RAB38: variants seen among roughly 807,000 people sequenced by gnomAD.
RAB38 encodes RAB38, member RAS oncogene family, also known as ras-related protein Rab-38.
A neutral mutation model predicts 18.4 loss-of-function variants in RAB38; 15 were observed. The ratio of observed to expected loss-of-function variants is 0.82; its 90% CI spans 0.55 to 1.26. The LOEUF (loss-of-function observed/expected upper bound fraction) is 1.26, where lower values mean the gene tolerates loss of function less well. Ranked by LOEUF, RAB38 falls within the 50% of genes most tolerant of loss-of-function variation. The pLI, the probability that RAB38 is intolerant of heterozygous loss-of-function variation, is 0.00. For missense variants in RAB38, 294 were observed against 267.4 expected (o/e 1.10, Z -0.69); for synonymous variants, 101 against 104.4 (o/e 0.97, Z 0.20).
chr11:87,852,470 G>C, the RAB38 span, among the ~76,000 whole-genome samples: 1 of 151,740 alleles, frequency 6.6e-6, no homozygotes, highest in South Asian at 2.1e-4. Flanking sequence ...AAAATATTGT[G>C]AGCAAAATAT....
At chr11:88,164,256 C>CGGCGGGGGGGGGGGGGGGGGGG (rs1318397492) in intron 1 of RAB38, among the ~76,000 whole-genome samples, 1 of 109,058 alleles carries the variant, frequency 9.2e-6, no homozygotes, top group African/African-American at 3.4e-5. Flanking sequence ...AAGGTGCTCT[C>CGGCGGGGGGGGGGGGGGGGGGG]GGTGGGGGGG....
chr11:87,895,040 T>A, the RAB38 span, among the ~76,000 whole-genome samples: 5 of 151,540 alleles, frequency 3.3e-5, no homozygotes, highest in African/African-American at 1.2e-4. Flanking sequence ...CTGGTCCCAT[T>A]TTGTAGGGTT....
chr11:88,127,132 T>C (rs1175162378), intron 2 of RAB38, among the ~76,000 whole-genome samples: 6 of 152,218 alleles, frequency 3.9e-5, no homozygotes, highest in Non-Finnish European at 2.9e-5. Context: ...TTCTTAATCA[T>C]AGGATTTCTC....
intron 2 of RAB38, among the ~76,000 whole-genome samples, chr11:88,114,692 ATG>A (rs947991459): frequency 6.6e-6 from 1 of 152,204 alleles, no homozygotes; most frequent in African/African-American, 2.4e-5. Context: ...GTGAGAAGTA[ATG>A]TGTGTCACTT....
chr11:88,031,121 C>A, the RAB38 span, among the ~76,000 whole-genome samples: 2 of 151,774 alleles, frequency 1.3e-5, no homozygotes, highest in African/African-American at 4.8e-5. Context: ...GAACCAAAGA[C>A]AAAAACCACA....
chr11:87,955,110 C>A, the RAB38 span, among the ~76,000 whole-genome samples: 5 of 152,186 alleles, frequency 3.3e-5, no homozygotes, highest in African/African-American at 1.2e-4. Context: ...TGTTCACTGG[C>A]CCATGGGTGC....
chr11:87,938,619 GT>G, the RAB38 span, among the ~76,000 whole-genome samples: 168 of 99,836 alleles, frequency 1.7e-3, 2 homozygotes, highest in Admixed American at 2.3e-3. Flanking sequence ...GCTCTTTTCC[GT>G]TTTTTTTTTT....
the RAB38 span, among the ~76,000 whole-genome samples, chr11:88,029,627 C>T: frequency 6.6e-6 from 1 of 152,050 alleles, no homozygotes; most frequent in African/African-American, 2.4e-5. Flanking sequence ...TCAAAAGAGA[C>T]AAAGAAGGCC....
At chr11:88,023,767 C>T in the RAB38 span, among the ~76,000 whole-genome samples, 11 of 152,052 alleles carry the variant, frequency 7.2e-5, no homozygotes, top group African/African-American at 2.7e-4. Context: ...TCATTTTTGA[C>T]AAAGGTGCCA....
chr11:87,937,315 T>TATATATATATATATAA, the RAB38 span, among the ~76,000 whole-genome samples: 1 of 39,244 alleles, frequency 2.5e-5, no homozygotes, highest in Non-Finnish European at 5.6e-5. Flanking sequence ...GGTCATCATA[T>TATATATATATATATAA]ATATATATAT....
the RAB38 span, among the ~76,000 whole-genome samples, chr11:87,870,520 C>T: frequency 6.6e-6 from 1 of 151,232 alleles, no homozygotes; most frequent in African/African-American, 2.4e-5. Context: ...GTGACTTTTC[C>T]TTACTGTGGC....
At chr11:88,041,610 C>A in the RAB38 span, among the ~76,000 whole-genome samples, 1 of 152,154 alleles carries the variant, frequency 6.6e-6, no homozygotes, top group Non-Finnish European at 1.5e-5. Flanking sequence ...ATGATTAATG[C>A]ATAGATCAGT....
At chr11:88,043,372 G>A in the RAB38 span, among the ~76,000 whole-genome samples, 1 of 152,104 alleles carries the variant, frequency 6.6e-6, no homozygotes, top group Non-Finnish European at 1.5e-5. Flanking sequence ...GCAGGATGGA[G>A]GCAGGGAAGG....
At chr11:87,968,886 G>A in the RAB38 span, among the ~76,000 whole-genome samples, 1 of 152,080 alleles carries the variant, frequency 6.6e-6, no homozygotes, top group African/African-American at 2.4e-5. Context: ...GTAAGACACT[G>A]GAGATTCAGA....
chr11:87,887,889 C>T, the RAB38 span, among the ~76,000 whole-genome samples: 4 of 151,736 alleles, frequency 2.6e-5, no homozygotes, highest in East Asian at 7.8e-4. Flanking sequence ...ACCAGTTTGA[C>T]TATTCTGAGT....
chr11:87,977,898 C>T, the RAB38 span, among the ~76,000 whole-genome samples: 95,327 of 95,332 alleles, frequency 1, 47,661 homozygotes, highest in Middle Eastern at 1. Context: ...CATAGATTTA[C>T]ATATAATTAT....
At chr11:88,065,431 C>T in the RAB38 span, among the ~76,000 whole-genome samples, 1 of 152,158 alleles carries the variant, frequency 6.6e-6, no homozygotes. Context: ...TGAAGAAGTG[C>T]TGAAAGCAAC....
At chr11:88,017,390 G>C in the RAB38 span, among the ~76,000 whole-genome samples, 1 of 150,082 alleles carries the variant, frequency 6.7e-6, no homozygotes, top group African/African-American at 2.5e-5. Context: ...CAAACGCAAA[G>C]AGAGAGAGAG....
chr11:88,028,122 C>A, the RAB38 span, among the ~76,000 whole-genome samples: 12 of 152,210 alleles, frequency 7.9e-5, no homozygotes, highest in Non-Finnish European at 1.5e-4. Context: ...CAAACAGGGT[C>A]TGGAGTGGAC....
Sources: gnomAD v4.1 joint callset for allele counts (sites outside exome capture counted in the v4.1 genomes callset) on GRCh38, gnomAD v4.1.1 for gene constraint, MANE v1.5 for transcripts, NCBI Gene and HGNC (gene_info 2026-07-23, HGNC 2026-07-21) for gene names.